The following MUC5B variants were observed in gnomAD, a reference collection of about 807,000 sequenced individuals.
MUC5B encodes the protein mucin 5B, oligomeric mucus/gel-forming, also known as mucin-5B.
Under a neutral mutation model 376.9 loss-of-function variants are expected in MUC5B, and 116 were observed. That is an observed-to-expected ratio of 0.31 (90% CI 0.26 to 0.36). The LOEUF (loss-of-function observed/expected upper bound fraction) is 0.36, where lower values mean the gene tolerates loss of function less well. Among genes scored for constraint, MUC5B ranks in the 10% least tolerant of loss-of-function variants. MUC5B has a pLI of 1.00. For missense variants in MUC5B, 7,165 were observed against 7,769.9 expected, an observed-to-expected ratio of 0.92 and a Z score of 2.93; for synonymous variants, 3,517 against 3,390.9, an observed-to-expected ratio of 1.04 and a Z score of -1.29.
In MUC5B at chr11:1,247,575, G is replaced by A. The variant is rs544046466; in HGVS notation, c.10695G>A (p.Thr3565=). ...PSSPTSAPIT[T]VVTTGCEPQC... is the part of the protein sequence containing the mutation. The stretch of plus-strand genomic sequence containing the variant: ...GCCCCACATCGGCCCCCATAACCAC[G>A]GTGGTGACCACGGGCTGTGAGCCCC... Residue 3565 remains threonine (T), a synonymous_variant, in exon 31 of 49, where the codon ACG becomes ACA. Transcript: ENST00000529681. 186 of 1,610,890 alleles carry A rather than the reference G, an allele frequency of 1.2e-4. No individual in the cohort carries two copies. The East Asian group carries it at 2.5e-3, about 22-fold the overall frequency.
rs548257512 is a variant in MUC5B at position 1,226,786 on chromosome 11, G to A, written c.371G>A (p.Gly124Asp). Reference sequence around the variant, plus strand: ...GTCCAGCTACGCCGAGGCCTAGTGGGCTCCAGGCCTGTGGTCACCCGTGTT... The same window carrying A: ...GTCCAGCTACGCCGAGGCCTAGTGGACTCCAGGCCTGTGGTCACCCGTGTT... ...FNVQLRRGLV[G>D]SRPVVTRVVI... The change falls in exon 4 of 49, where the codon GGC becomes GAC. Residue 124 changes from glycine to aspartate, a missense_variant. Gly to Asp is a moderately conservative substitution (Grantham distance 94). Coordinates refer to ENST00000529681, the MANE Select transcript of MUC5B (RefSeq NM_002458.3). The A allele has an allele frequency of 6.8e-6, 11 of 1,612,282 alleles. No homozygotes were observed. The highest frequency in any genetic ancestry group is 9.3e-6 in the Non-Finnish European group (11 of 1,179,798).
rs774350469 is a variant in MUC5B at position 1,232,738 on chromosome 11, T to C, written c.2033T>C (p.Val678Ala). 1.2e-6 allele frequency: 2 copies of C among 1,600,992 alleles called. No individual in the cohort carries two copies. Among genetic ancestry groups the C allele is most frequent in the Non-Finnish European group, 1.7e-6 (2 of 1,173,624 alleles). The stretch of plus-strand genomic sequence containing the variant: ...GTGCACGCCTGTGCCGCCAAGGGCG[T>C]ACAGCTCAGCGACTGGAGGGACGGC... ...SYVHACAAKG[V>A]QLSDWRDGVC... Residue 678 changes from valine (V) to alanine (A), a missense_variant, in exon 17 of 49, where the codon GTA (valine) becomes GCA (alanine). This residue lies in a region of MUC5B where 530 missense variants were observed against 604.0 expected (regional missense o/e 0.88). Coordinates refer to ENST00000529681, the MANE Select transcript of MUC5B (RefSeq NM_002458.3).
intron 30 of MUC5B, among the ~76,000 whole-genome samples, chr11:1,240,615 G>A (rs1418077324): frequency 1.3e-5 from 2 of 152,178 alleles, no homozygotes; most frequent in Admixed American, 6.5e-5. Context: ...CCTGGACTCC[G>A]TCCCATCCCT....
At position 1,255,431 on chromosome 11, in the gene MUC5B, C is replaced by T. The variant is rs373364716; in HGVS notation, c.15939C>T (p.Asn5313=). 2.4e-3 allele frequency: 3,849 copies of T among 1,605,158 alleles called. 9 individuals carry two copies. Among genetic ancestry groups the T allele is most frequent in the Non-Finnish European group, 3.1e-3 (3,643 of 1,176,274 alleles). ...TTGTGCCCCCGGGCCCATTCTTCAA[C>T]GCCTGCATCAGCGACCACTGCAGGG... ...HNLVPPGPFF[N]ACISDHCRGR... The change falls in exon 37 of 49, where the codon AAC becomes AAT. Residue 5313 remains asparagine (N), a synonymous_variant. Transcript: ENST00000529681.
rs751618224 is a variant in MUC5B at position 1,249,627 on chromosome 11, C to A, written c.12747C>A (p.Ile4249=). ...MPSSTPGTTW[I]LTELTTTATT... ...CCTCCACTCCGGGGACGACCTGGAT[C>A]CTCACAGAGCTGACCACAACAGCCA... Residue 4249 remains isoleucine, a synonymous_variant, in exon 31 of 49, where the codon ATC becomes ATA. Transcript: ENST00000529681. 6.2e-7 allele frequency: 1 copy of A among 1,611,828 alleles called. No homozygotes were observed. Among genetic ancestry groups the A allele is most frequent in the African/African-American group, 1.3e-5 (1 of 74,856 alleles).
At position 1,242,983 on chromosome 11, in the gene MUC5B, T is replaced by C; in HGVS notation, c.6103T>C (p.Ser2035Pro). ...GGCCACCACAACTGGGGCCACCGGC[T>C]CTGTGGCCACCCCCTCCTCCACCCC... is the stretch of plus-strand genomic sequence containing the variant. ...ATATTTGATG[S>P]VATPSSTPGT... The change falls in exon 31 of 49, where the codon TCT (serine) becomes CCT (proline). Residue 2035 changes from serine to proline, a missense_variant. Transcript: ENST00000529681. 6.2e-7 allele frequency: 1 copy of C among 1,612,026 alleles called. No individual in the cohort carries two copies. Among genetic ancestry groups the C allele is most frequent in the South Asian group, 1.1e-5 (1 of 90,990 alleles).
rs541869544 is a variant in MUC5B at position 1,239,136 on chromosome 11, A to G, written c.3454+109A>G. 21 of 1,327,662 alleles carry G rather than the reference A, an allele frequency of 1.6e-5. No individual in the cohort carries two copies. In the South Asian group the frequency reaches 2.6e-4, roughly 17 times the overall value. 82.2% of individuals were successfully genotyped at this position (1,327,662 alleles called of 1,614,324 possible). On this transcript the variant is annotated intron_variant, in intron 26 of 48. Transcript: ENST00000529681. Reference sequence around the variant, plus strand: ...ACCTGGGCCTGAGCCGCACACAGACATCCAACACGCATGTGCCTCCATGTG... The same window carrying G: ...ACCTGGGCCTGAGCCGCACACAGACGTCCAACACGCATGTGCCTCCATGTG...
Position 1,261,745 on chromosome 11 carries a change from C to T in MUC5B, c.*137C>T, listed in dbSNP as rs1490093922. 2 of 913,592 alleles carry T rather than the reference C, an allele frequency of 2.2e-6. No individual in the cohort carries two copies. Among genetic ancestry groups the T allele is most frequent in the South Asian group, 1.4e-5 (1 of 70,842 alleles). The allele number at this position is 913,592 out of a possible 1,614,324, so 56.6% of individuals were successfully genotyped here. Reference sequence around the variant, plus strand: ...CCCCGCGCTCCGTGCTCCTGCTGCCCACCCCGTGGGTGAAACCGGCCCCAG... The same window carrying T: ...CCCCGCGCTCCGTGCTCCTGCTGCCTACCCCGTGGGTGAAACCGGCCCCAG... On this transcript the variant is annotated 3_prime_UTR_variant, in exon 49 of 49. Transcript: ENST00000529681.
rs190275709 is a variant in MUC5B at position 1,240,784 on chromosome 11, C to T, written c.3971-67C>T. On this transcript the variant is annotated intron_variant, in intron 30 of 48. Coordinates refer to ENST00000529681, the MANE Select transcript of MUC5B (RefSeq NM_002458.3). ...CCCTGGGGAAAGGGTCCTCTGGGGCCCCTCCACCTTGTGAGGCCAGGACTG... is the reference window on the plus strand; with the variant it reads ...CCCTGGGGAAAGGGTCCTCTGGGGCTCCTCCACCTTGTGAGGCCAGGACTG... 3.7e-5 allele frequency: 53 copies of T among 1,433,820 alleles called. No homozygotes were observed. In the African/African-American group the frequency reaches 6.6e-4, roughly 18 times the overall value. The allele number at this position is 1,433,820 out of a possible 1,614,324, so 88.8% of individuals were successfully genotyped here.
intron 37 of MUC5B, 83 bp from the exon 38 acceptor site, chr11:1,256,069 CCTCT>C (rs1862826336): frequency 1.2e-5 from 8 of 656,090 alleles, no homozygotes; most frequent in African/African-American, 7.3e-5. Context: ...GACTCCTCGG[CCTCT>C]CTGAGTGTCC....
In MUC5B at chr11:1,237,180, T is replaced by C; in HGVS notation, c.3297+16T>C. 7.1e-7 allele frequency: 1 copy of C among 1,409,998 alleles called. No homozygotes were observed. Among genetic ancestry groups the C allele is most frequent in the South Asian group, 1.7e-5 (1 of 58,656 alleles). 87.3% of individuals were successfully genotyped at this position (1,409,998 alleles called of 1,614,324 possible). A position where few individuals can be genotyped will look rare whatever the true frequency, so the allele number is the denominator to read the frequency against. ...CCGCTCCCAGGTGGGGCTCTGGTCT[T>C]GGCAGGCAGGGTCTGGTGGGGATGG... On this transcript the variant is annotated intron_variant, in intron 25 of 48. Coordinates refer to ENST00000529681, the MANE Select transcript of MUC5B (RefSeq NM_002458.3).
Position 1,243,188 on chromosome 11 carries a change from C to T in MUC5B, c.6308C>T (p.Thr2103Ile), listed in dbSNP as rs201556927. ...SSIPGTTHTA[T>I]VLTTTTTTVA... ...ATCCCGGGGACCACCCACACCGCCA[C>T]AGTGCTGACCACCACCACCACAACT... Residue 2103 changes from threonine to isoleucine, a missense_variant, in exon 31 of 49, where the codon ACA (threonine) becomes ATA (isoleucine). Transcript: ENST00000529681. The T allele has an allele frequency of 6.3e-7, 1 of 1,577,154 alleles. No individual in the cohort carries two copies. The highest frequency in any genetic ancestry group is 1.7e-5 in the Admixed American group (1 of 57,260).
chr11:1,231,112 C>A, intron 13 of MUC5B, 107 bp downstream of exon 13: 1 of 1,173,508 alleles, frequency 8.5e-7, no homozygotes, highest in Non-Finnish European at 1.2e-6. Context: ...TCCGTGGCCT[C>A]GGGCAGCTCC....
Position 1,252,382 on chromosome 11 carries a change from AT to A in MUC5B, c.14906del (p.Phe4969SerfsTer48). 6.3e-7 allele frequency: 1 copy of A among 1,591,600 alleles called. No homozygotes were observed. On this transcript the variant is annotated frameshift_variant, in exon 32 of 49. Transcript: ENST00000529681. LOFTEE classifies it high-confidence loss of function. ...AATAAGACCGACCGAGCCGGCTGCC[AT>A]TTCTACGCAGTGTGCAATCAGCACT... ...IYNKTDRAGCHFYAVCNQHCD... is the reference protein window; with the variant it reads ...IYNKTDRAGCXFYAVCNQHCD...
In MUC5B at chr11:1,240,321, C is replaced by T; in HGVS notation, c.3916C>T (p.Pro1306Ser). ...IRKAVACPGTPATTPFTFTTA... is the reference protein window; with the variant it reads ...IRKAVACPGTSATTPFTFTTA... Reference sequence around the variant, plus strand: ...GAAGGCTGTGGCATGTCCTGGAACTCCAGCCACAACGCCATTCACCTTCAC... The same window carrying T: ...GAAGGCTGTGGCATGTCCTGGAACTTCAGCCACAACGCCATTCACCTTCAC... The change falls in exon 30 of 49, where the codon CCA becomes TCA. Residue 1306 changes from proline (P) to serine (S), a missense_variant. Physicochemically the swap from Pro to Ser is moderately conservative, Grantham distance 74. Coordinates refer to ENST00000529681, the MANE Select transcript of MUC5B (RefSeq NM_002458.3). 3.1e-6 allele frequency: 5 copies of T among 1,612,194 alleles called. No individual in the cohort carries two copies. The highest frequency in any genetic ancestry group is 4.2e-6 in the Non-Finnish European group (5 of 1,178,626).
chr11:1,241,435 A>C lies in MUC5B; in HGVS notation c.4555A>C (p.Lys1519Gln). The change falls in exon 31 of 49, where the codon AAG (lysine) becomes CAG (glutamine). Residue 1519 changes from lysine (K) to glutamine (Q), a missense_variant. Physicochemically the swap from Lys to Gln is moderately conservative, Grantham distance 53. Coordinates refer to ENST00000529681, the MANE Select transcript of MUC5B (RefSeq NM_002458.3). ...WTEWFDEDYPKSEQLGGDVES... is the reference protein window; with the variant it reads ...WTEWFDEDYPQSEQLGGDVES... ...AGAGTGGTTTGATGAGGACTACCCC[A>C]AGTCTGAACAACTTGGAGGGGACGT... 1 of 1,613,314 alleles carries C rather than the reference A, an allele frequency of 6.2e-7. No homozygotes were observed. The highest frequency in any genetic ancestry group is 8.5e-7 in the Non-Finnish European group (1 of 1,179,484).
In MUC5B at chr11:1,260,353, G is replaced by C. The variant is rs1862967018; in HGVS notation, c.16926G>C (p.Gly5642=). Residue 5642 remains glycine (G), a splice_region_variant and synonymous_variant, in exon 47 of 49, where the codon GGG becomes GGC. Coordinates refer to ENST00000529681, the MANE Select transcript of MUC5B (RefSeq NM_002458.3). ...ASCPDVSSCR[G]SLRKTGCCYS... Reference sequence around the variant, plus strand: ...CCCCTGTCTTTGGCCCCCACCAGGGGAGCCTCAGGAAAACCGGCTGCTGCT... The same window carrying C: ...CCCCTGTCTTTGGCCCCCACCAGGGCAGCCTCAGGAAAACCGGCTGCTGCT... The C allele has an allele frequency of 1.2e-6, 2 of 1,612,496 alleles. No individual in the cohort carries two copies. Among genetic ancestry groups the C allele is most frequent in the South Asian group, 1.1e-5 (1 of 91,088 alleles).
intron 33 of MUC5B, 40 bp from the exon 34 acceptor site, chr11:1,254,052 C>G (rs755951371): frequency 1.3e-6 from 2 of 1,590,382 alleles, no homozygotes; most frequent in South Asian, 2.2e-5. Context: ...GCGAGGGCAC[C>G]ACCACGGAGC....
At chr11:1,225,802 G>A (rs1050035829) in intron 2 of MUC5B, 65 bp downstream of exon 2, 2 of 1,493,724 alleles carry the variant, frequency 1.3e-6, no homozygotes, top group Non-Finnish European at 1.8e-6. Flanking sequence ...ATTTGGGCTG[G>A]GGCAGGCAGA....
Sources: gnomAD v4.1 joint callset for allele counts (sites outside exome capture counted in the v4.1 genomes callset) on GRCh38, gnomAD v4.1.1 for gene constraint, gnomAD v4.1.1 regional missense constraint, MANE v1.5 for transcripts, NCBI Gene and HGNC (gene_info 2026-07-23, HGNC 2026-07-21) for gene names.